The following USP31 variants were observed in gnomAD, a reference collection of about 807,000 sequenced individuals.
The protein encoded by USP31 is ubiquitin carboxyl-terminal hydrolase 31.
In USP31, 44 loss-of-function variants were observed where a neutral mutation model predicts 119.4. The ratio of observed to expected loss-of-function variants is 0.37; its 90% CI spans 0.29 to 0.47. The LOEUF (loss-of-function observed/expected upper bound fraction) is 0.47. USP31 is among the 20% of genes least tolerant of loss of function. The pLI is 0.99. For missense variants in USP31, 1,643 were observed against 1,730.2 expected (o/e 0.95, Z 0.89); for synonymous variants, 749 against 705.6 (o/e 1.06, Z -0.97).
Position 23,068,976 on chromosome 16 carries a change from T to A in USP31, c.3129A>T (p.Arg1043Ser), listed in dbSNP as rs769779320. ...SEPEKSLRKG[R>S]PALASQESSL... ...ATGACTCCTGGCTTGCCAAGGCTGG[T>A]CTCCCCTTCCGCAAGCTTTTCTCTG... Residue 1043 changes from arginine to serine, a missense_variant, in exon 16 of 16, where the codon AGA becomes AGT. This residue lies in a region of USP31 where 699 missense variants were observed against 650.9 expected (regional missense o/e 1.07). Coordinates refer to ENST00000219689, the MANE Select transcript of USP31 (RefSeq NM_020718.4). 5.0e-6 allele frequency: 8 copies of A among 1,614,050 alleles called. No individual in the cohort carries two copies. The highest frequency in any genetic ancestry group is 6.8e-6 in the Non-Finnish European group (8 of 1,180,030).
chr16:23,149,213 TCTC>T lies in USP31; in HGVS notation c.55_57del (p.Glu19del), dbSNP rs1903643583. 1 of 1,142,158 alleles carries T rather than the reference TCTC, an allele frequency of 8.8e-7. No individual in the cohort carries two copies. The highest frequency in any genetic ancestry group is 5.1e-5 in the Admixed American group (1 of 19,680). 70.8% of individuals were successfully genotyped at this position (1,142,158 alleles called of 1,614,324 possible). A position where few individuals can be genotyped will look rare whatever the true frequency, so the allele number is the denominator to read the frequency against. On this transcript the variant is annotated inframe_deletion, in exon 1 of 16. Coordinates refer to ENST00000219689, the MANE Select transcript of USP31 (RefSeq NM_020718.4). ...AACAGCCGCTTGCTGAAGGAGCGCT[TCTC>T]CTTCCCGCTCGCCGCCGCCGGCGGC...
chr16:23,134,674 T>TAAAAAAAAAAAAAAAAGA (rs1903133103), intron 1 of USP31, among the ~76,000 whole-genome samples: 2 of 86,866 alleles, frequency 2.3e-5, no homozygotes, highest in Non-Finnish European at 4.7e-5. Flanking sequence ...GAAACAAAGC[T>TAAAAAAAAAAAAAAAAGA]AAAAAAAAAA....
At chr16:23,127,642 G>T (rs924549111) in intron 1 of USP31, among the ~76,000 whole-genome samples, 11 of 128,144 alleles carry the variant, frequency 8.6e-5, no homozygotes, top group Non-Finnish European at 1.3e-4. Flanking sequence ...AATTTTTGTA[G>T]TTTTTTTTTT....
At chr16:23,143,592 G>GC (rs34161058) in intron 1 of USP31, among the ~76,000 whole-genome samples, 1 of 150,778 alleles carries the variant, frequency 6.6e-6, no homozygotes, top group Non-Finnish European at 1.5e-5. Flanking sequence ...GGTTGGGGGG[G>GC]GGGAGAGAGA....
chr16:23,081,206 A>C (rs1237127510), intron 12 of USP31, among the ~76,000 whole-genome samples: 2 of 152,182 alleles, frequency 1.3e-5, no homozygotes, highest in African/African-American at 2.4e-5. Context: ...GGATTGCTGG[A>C]AGGGTGGTGA....
intron 11 of USP31, 101 bp downstream of exon 11, chr16:23,084,759 T>A: frequency 6.6e-7 from 1 of 1,510,858 alleles, no homozygotes; most frequent in South Asian, 1.3e-5. Context: ...TGCAAAATCC[T>A]GCGGCGACTT....
chr16:23,067,818 C>A lies in USP31; in HGVS notation c.*228G>T. 1 of 478,822 alleles carries A rather than the reference C, an allele frequency of 2.1e-6. No homozygotes were observed. The highest frequency in any genetic ancestry group is 3.8e-5 in the South Asian group (1 of 26,316). The allele number at this position is 478,822 out of a possible 1,614,324, so 29.7% of individuals were successfully genotyped here. Reference sequence around the variant, plus strand: ...ACAATTATTCCAGTTAGCTTGGTGTCAATGTTTTGCCTATGGCTGTTATTT... The same window carrying A: ...ACAATTATTCCAGTTAGCTTGGTGTAAATGTTTTGCCTATGGCTGTTATTT... On this transcript the variant is annotated 3_prime_UTR_variant, in exon 16 of 16. Transcript: ENST00000219689.
At chr16:23,073,965 T>C (rs1900454912) in intron 13 of USP31, 85 bp from the exon 14 acceptor site, 2 of 1,575,726 alleles carry the variant, frequency 1.3e-6, no homozygotes, top group East Asian at 4.5e-5. Flanking sequence ...CTTTGGCTCA[T>C]CTAATTAACT....
intron 1 of USP31, among the ~76,000 whole-genome samples, chr16:23,113,828 G>A (rs1902400007): frequency 2.0e-5 from 3 of 152,106 alleles, no homozygotes; most frequent in Admixed American, 2.0e-4. Context: ...CTTCAGGCTG[G>A]GTGCAGTGGC....
chr16:23,136,749 G>A (rs2141900334), intron 1 of USP31, among the ~76,000 whole-genome samples: 1 of 151,514 alleles, frequency 6.6e-6, no homozygotes, highest in African/African-American at 2.4e-5. Context: ...TATCTGATAA[G>A]AAATTAACAT....
intron 1 of USP31, among the ~76,000 whole-genome samples, chr16:23,113,175 T>C (rs2141880916): frequency 6.6e-6 from 1 of 152,282 alleles, no homozygotes; most frequent in Admixed American, 6.5e-5. Flanking sequence ...CATTTCTGAC[T>C]TAGGTAGATA....
intron 1 of USP31, among the ~76,000 whole-genome samples, chr16:23,134,089 TCACACACACA>T (rs10557354): frequency 0.053 from 7,708 of 146,406 alleles, 290 homozygotes; most frequent in Non-Finnish European, 0.073. Flanking sequence ...TCTCTCTCTC[TCACACACACA>T]CACACACACA....
intron 1 of USP31, among the ~76,000 whole-genome samples, chr16:23,113,024 G>A (rs1483128757): frequency 1.3e-5 from 2 of 150,232 alleles, no homozygotes; most frequent in Admixed American, 6.6e-5. Flanking sequence ...GCGAAACTCC[G>A]TCCCAAAAAA....
chr16:23,089,530 C>T, intron 7 of USP31, among the ~76,000 whole-genome samples: 1 of 152,118 alleles, frequency 6.6e-6, no homozygotes, highest in Non-Finnish European at 1.5e-5. Flanking sequence ...CAATGAATAG[C>T]ATAAATATGC....
intron 6 of USP31, among the ~76,000 whole-genome samples, chr16:23,094,131 A>G (rs1901496005): frequency 6.6e-6 from 1 of 152,092 alleles, no homozygotes; most frequent in South Asian, 2.1e-4. Flanking sequence ...GAAAAACAGG[A>G]CACTTCTGCC....
intron 1 of USP31, among the ~76,000 whole-genome samples, chr16:23,118,255 T>C (rs1412898718): frequency 1.3e-5 from 2 of 152,314 alleles, no homozygotes; most frequent in Non-Finnish European, 1.5e-5. Context: ...GCTATTATGT[T>C]AGTTTTGAAA....
At chr16:23,071,485 AAAG>A (rs1397851973) in intron 15 of USP31, among the ~76,000 whole-genome samples, 5 of 152,182 alleles carry the variant, frequency 3.3e-5, no homozygotes, top group Admixed American at 6.5e-5. Flanking sequence ...AAAAAAAAAA[AAAG>A]AGTTCAATTT....
chr16:23,136,256 G>A (rs934040867), intron 1 of USP31, among the ~76,000 whole-genome samples: 1 of 152,130 alleles, frequency 6.6e-6, no homozygotes, highest in African/African-American at 2.4e-5. Context: ...ACTCTCAGAA[G>A]AAAACATAGA....
chr16:23,134,285 T>G (rs1472743997), intron 1 of USP31, among the ~76,000 whole-genome samples: 5 of 152,032 alleles, frequency 3.3e-5, no homozygotes, highest in Non-Finnish European at 7.4e-5. Flanking sequence ...AAACCGTAAC[T>G]CTAAATACAG....
Sources: gnomAD v4.1 joint callset for allele counts (sites outside exome capture counted in the v4.1 genomes callset) on GRCh38, gnomAD v4.1.1 for gene constraint, gnomAD v4.1.1 regional missense constraint, MANE v1.5 for transcripts, NCBI Gene and HGNC (gene_info 2026-07-23, HGNC 2026-07-21) for gene names.